Variants in STRBP observed in about 807,000 individuals in gnomAD.
The protein encoded by STRBP is spermatid perinuclear RNA-binding protein.
In STRBP, 13 loss-of-function variants were observed where a neutral mutation model predicts 80.1. The ratio of observed to expected loss-of-function variants is 0.16; its 90% CI spans 0.11 to 0.26. STRBP has a LOEUF of 0.26. Ranked by LOEUF, STRBP falls within the 10% of genes least tolerant of loss-of-function variation. The pLI is 1.00. For missense variants in STRBP, 485 were observed against 815.2 expected (o/e 0.59, Z 4.93); for synonymous variants, 284 against 291.2 (o/e 0.98, Z 0.25).
At chr9:123,216,888 GA>G (rs948346232) in intron 2 of STRBP, among the ~76,000 whole-genome samples, 1 of 152,168 alleles carries the variant, frequency 6.6e-6, no homozygotes, top group Non-Finnish European at 1.5e-5. Context: ...TTTACAAACT[GA>G]AACTCAGTTA....
Position 123,158,391 on chromosome 9 carries a change from T to C in STRBP, c.874A>G (p.Thr292Ala), listed in dbSNP as rs961729175. 2.5e-6 allele frequency: 4 copies of C among 1,613,588 alleles called. No individual in the cohort carries two copies. The highest frequency in any genetic ancestry group is 3.4e-6 in the Non-Finnish European group (4 of 1,179,630). The part of the protein sequence containing the change: ...GLHDPCERDP[T>A]DALSYMTIQQ... ...ATGGTCATATAGCTCAGAGCATCTGTTGGGTCTCGCTCACAAGGATCATGA... is the reference window on the plus strand; with the variant it reads ...ATGGTCATATAGCTCAGAGCATCTGCTGGGTCTCGCTCACAAGGATCATGA... Residue 292 changes from threonine (T) to alanine (A), a missense_variant, in exon 10 of 19, where the codon ACA becomes GCA. This residue lies in a region of STRBP where 377 missense variants were observed against 616.1 expected (regional missense o/e 0.61). Coordinates refer to ENST00000348403, the MANE Select transcript of STRBP (RefSeq NM_018387.5).
intron 2 of STRBP, among the ~76,000 whole-genome samples, chr9:123,214,319 G>A (rs867204022): frequency 6.6e-6 from 1 of 152,040 alleles, no homozygotes; most frequent in Non-Finnish European, 1.5e-5. Flanking sequence ...CTAATAAGAG[G>A]GAGCTAAGCT....
chr9:123,220,454 G>GAAAAAAAAAAA, intron 2 of STRBP, among the ~76,000 whole-genome samples: 1 of 152,282 alleles, frequency 6.6e-6, no homozygotes, highest in Admixed American at 6.5e-5. Flanking sequence ...GTAAAAATAT[G>GAAAAAAAAAAA]ATATAATCTC....
At chr9:123,252,329 C>T (rs1276308615) in intron 1 of STRBP, among the ~76,000 whole-genome samples, 3 of 152,174 alleles carry the variant, frequency 2.0e-5, no homozygotes, top group Non-Finnish European at 4.4e-5. Flanking sequence ...AGAGACATCA[C>T]CTCTAACGCT....
intron 2 of STRBP, among the ~76,000 whole-genome samples, chr9:123,216,677 A>G (rs2039908516): frequency 6.6e-6 from 1 of 152,236 alleles, no homozygotes; most frequent in African/African-American, 2.4e-5. Context: ...GGAACTACCC[A>G]TATAAATAGC....
chr9:123,195,157 G>A (rs1372402237), intron 2 of STRBP, among the ~76,000 whole-genome samples: 1 of 152,000 alleles, frequency 6.6e-6, no homozygotes, highest in Non-Finnish European at 1.5e-5. Flanking sequence ...AACCACACAA[G>A]TTTGCTCCTC....
At chr9:123,226,545 G>A (rs2040241859) in intron 2 of STRBP, among the ~76,000 whole-genome samples, 1 of 152,100 alleles carries the variant, frequency 6.6e-6, no homozygotes, top group African/African-American at 2.4e-5. Context: ...GGAAAGATAA[G>A]GGAAACTAAG....
At chr9:123,160,330 C>T (rs371484345) in intron 8 of STRBP, 37 bp downstream of exon 8, 1 of 1,455,350 alleles carries the variant, frequency 6.9e-7, no homozygotes, top group Non-Finnish European at 9.3e-7. Context: ...TCTGCTACAG[C>T]TTCCAAATTT....
chr9:123,221,337 C>A (rs1004423377), intron 2 of STRBP, among the ~76,000 whole-genome samples: 1 of 152,210 alleles, frequency 6.6e-6, no homozygotes, highest in African/African-American at 2.4e-5. Flanking sequence ...ATGCTCTTCA[C>A]GCTCTATCAG....
At chr9:123,268,390 C>G (rs1275277755) in intron 1 of STRBP, 46 bp downstream of exon 1, 2 of 150,542 alleles carry the variant, frequency 1.3e-5, no homozygotes, top group Admixed American at 6.7e-5. Context: ...GCCGCCCGCC[C>G]GGGACGGCCC....
intron 5 of STRBP, among the ~76,000 whole-genome samples, chr9:123,170,611 A>G (rs1206500784): frequency 1.3e-5 from 2 of 152,206 alleles, no homozygotes; most frequent in Non-Finnish European, 2.9e-5. Context: ...CCCTTCTCCG[A>G]CAACAGGTCT....
At chr9:123,171,630 T>C (rs141574477) in intron 5 of STRBP, among the ~76,000 whole-genome samples, 6 of 152,320 alleles carry the variant, frequency 3.9e-5, no homozygotes, top group Non-Finnish European at 8.8e-5. Flanking sequence ...GAGATTAGTG[T>C]ACAATCATCA....
intron 1 of STRBP, among the ~76,000 whole-genome samples, chr9:123,265,081 C>T (rs1002647169): frequency 2.0e-5 from 3 of 152,120 alleles, no homozygotes; most frequent in Admixed American, 1.3e-4. Flanking sequence ...GGACATTATA[C>T]TCTAAAAATC....
At chr9:123,264,392 T>C (rs2041224691) in intron 1 of STRBP, among the ~76,000 whole-genome samples, 1 of 152,216 alleles carries the variant, frequency 6.6e-6, no homozygotes, top group South Asian at 2.1e-4. Context: ...TTTGCAGACA[T>C]CTCTTTCACA....
At chr9:123,138,143 T>C (rs1208330973) in intron 14 of STRBP, among the ~76,000 whole-genome samples, 4 of 152,216 alleles carry the variant, frequency 2.6e-5, no homozygotes, top group Admixed American at 6.5e-5. Flanking sequence ...AAAGTATAAA[T>C]GTAGTCACTA....
At chr9:123,169,775 T>A in intron 6 of STRBP, 127 bp downstream of exon 6, 1 of 511,664 alleles carries the variant, frequency 2.0e-6, no homozygotes, top group Non-Finnish European at 2.8e-6. Context: ...TTAAATAGAG[T>A]GGCATAAAAC....
At chr9:123,236,612 C>T (rs964204325) in intron 2 of STRBP, among the ~76,000 whole-genome samples, 4 of 144,874 alleles carry the variant, frequency 2.8e-5, no homozygotes, top group Non-Finnish European at 4.5e-5. Flanking sequence ...AGAAAGGATA[C>T]AAGAGTAGTG....
intron 1 of STRBP, among the ~76,000 whole-genome samples, chr9:123,252,173 G>A (rs986263006): frequency 3.9e-5 from 6 of 152,174 alleles, no homozygotes; most frequent in African/African-American, 1.2e-4. Flanking sequence ...AAGAAGAAAC[G>A]TGCTGATTGC....
chr9:123,139,473 A>T, intron 14 of STRBP, 56 bp downstream of exon 14: 6 of 1,384,108 alleles, frequency 4.3e-6, no homozygotes, highest in South Asian at 1.5e-5. Context: ...ACATCTCTCA[A>T]ATTTCCTACA....
Sources: allele counts gnomAD v4.1 joint callset (sites outside exome capture counted in the v4.1 genomes callset), GRCh38; gene constraint gnomAD v4.1.1; regional missense constraint gnomAD v4.1.1; transcripts MANE v1.5; gene names NCBI Gene and HGNC (gene_info 2026-07-23, HGNC 2026-07-21).